Variants in USP36 observed in about 807,000 individuals in gnomAD.
USP36 encodes ubiquitin carboxyl-terminal hydrolase 36.
USP36 carries 59 observed loss-of-function variants against 111.5 expected under a neutral mutation model. The ratio of observed to expected loss-of-function variants is 0.53; its 90% CI spans 0.43 to 0.66. USP36 has a LOEUF of 0.66. Among genes scored for constraint, USP36 ranks in the 30% least tolerant of loss-of-function variants. The probability of loss-of-function intolerance (pLI) is 0.00; values close to 1 mark genes in which losing one functional copy is unlikely to be tolerated. For missense variants in USP36, 1,488 were observed against 1,468.0 expected, an observed-to-expected ratio of 1.01 and a Z score of -0.22; for synonymous variants, 628 against 581.0, an observed-to-expected ratio of 1.08 and a Z score of -1.16.
At chr17:78,790,027 G>A (rs1328651088) in intron 3 of USP36, among the ~76,000 whole-genome samples, 2 of 152,202 alleles carry the variant, frequency 1.3e-5, no homozygotes, top group African/African-American at 4.8e-5. Context: ...CCGGGTGGCT[G>A]GTAAGTGCTA....
At chr17:78,828,225 AT>A (rs1230501750) in intron 5 of USP36, among the ~76,000 whole-genome samples, 1 of 152,220 alleles carries the variant, frequency 6.6e-6, no homozygotes, top group Non-Finnish European at 1.5e-5. Context: ...AACAAAAAGA[AT>A]GTAAAATCCA....
chr17:78,803,654 C>A lies in USP36; in HGVS notation c.2541G>T (p.Lys847Asn), dbSNP rs777219017. ...TAAPHGKRKRKKKKRPEDTAA... is the reference protein window; with the variant it reads ...TAAPHGKRKRNKKKRPEDTAA... ...CTGTGTCCTCCGGGCGCTTCTTCTT[C>A]TTCCTCTTCCTCTTCCCGTGGGGAG... is the stretch of plus-strand genomic sequence containing the variant. Residue 847 changes from lysine (K) to asparagine (N), a missense_variant, in exon 16 of 21, where the codon AAG becomes AAT. Physicochemically the swap from Lys to Asn is moderately conservative, Grantham distance 94. Around this residue, in one of 3 missense-constraint regions of USP36, gnomAD observed 1,073 missense variants for 994.1 expected, o/e 1.08. Coordinates refer to ENST00000449938, the MANE Select transcript of USP36 (RefSeq NM_001385174.1). This position sits in a 1 kb window ranked among gnomAD's most constrained non-coding sequence, Gnocchi z 4.6. The A allele has an allele frequency of 1.2e-6, 2 of 1,608,158 alleles. No individual in the cohort carries two copies. The highest frequency in any genetic ancestry group is 3.4e-5 in the Admixed American group (2 of 59,650).
chr17:78,814,329 G>C, intron 11 of USP36, 83 bp downstream of exon 11: 1 of 1,544,496 alleles, frequency 6.5e-7, no homozygotes, highest in Non-Finnish European at 8.7e-7. Flanking sequence ...CACAAAGTAA[G>C]TGCTCTACAG....
intron 5 of USP36, 116 bp downstream of exon 5, chr17:78,828,781 G>A: frequency 4.0e-6 from 4 of 1,003,336 alleles, no homozygotes; most frequent in Non-Finnish European, 5.8e-6. Context: ...AAAACGGAAG[G>A]ACTGCTTAAG....
chr17:78,799,877 C>CTT (rs549964435), intron 17 of USP36, 109 bp from the exon 18 acceptor site: 18,289 of 154,184 alleles, frequency 0.12, 3,428 homozygotes, highest in East Asian at 0.16. Flanking sequence ...GGATGCTTGC[C>CTT]TTTTTTTTTT....
chr17:78,806,750 A>G (rs2093912776), intron 14 of USP36, among the ~76,000 whole-genome samples: 1 of 152,260 alleles, frequency 6.6e-6, no homozygotes, highest in Non-Finnish European at 1.5e-5. Flanking sequence ...TCACCAGATC[A>G]GGGCTCTCTC....
At chr17:78,788,257 C>T (rs1244424285) in intron 3 of USP36, among the ~76,000 whole-genome samples, 2 of 152,120 alleles carry the variant, frequency 1.3e-5, no homozygotes, top group African/African-American at 4.8e-5. Flanking sequence ...CTCCGCCTCC[C>T]AGGTTCAAGC....
intron 5 of USP36, among the ~76,000 whole-genome samples, chr17:78,828,443 C>T (rs2067777330): frequency 6.6e-6 from 1 of 152,136 alleles, no homozygotes; most frequent in African/African-American, 2.4e-5. Context: ...TCCCAGCTCT[C>T]CCTCAGGCCC....
chr17:78,830,833 T>C (rs554369540), intron 4 of USP36, among the ~76,000 whole-genome samples: 1 of 151,988 alleles, frequency 6.6e-6, no homozygotes, highest in African/African-American at 2.4e-5. Flanking sequence ...ATTTTAGACT[T>C]CTGCTTGCCT....
In USP36 at chr17:78,798,618, G is replaced by A. The variant is rs937293487; in HGVS notation, c.3241-67C>T. 7.5e-6 allele frequency: 12 copies of A among 1,598,378 alleles called. No individual in the cohort carries two copies. The highest frequency in any genetic ancestry group is 2.7e-5 in the African/African-American group (2 of 74,552). ...TCTTTCCTGGCCCACGGGGCTCCAT[G>A]CTGCATGCAGGTCCTGCACACAGGC... On this transcript the variant is annotated intron_variant, in intron 19 of 20. Transcript: ENST00000449938. This position sits in a 1 kb window ranked among gnomAD's most constrained non-coding sequence, Gnocchi z 5.1.
chr17:78,821,268 A>T, intron 7 of USP36: 1 of 516,460 alleles, frequency 1.9e-6, no homozygotes, highest in Non-Finnish European at 3.5e-6. Flanking sequence ...ATATCTTTGC[A>T]CTCACAGGGC....
intron 4 of USP36, among the ~76,000 whole-genome samples, chr17:78,830,729 A>G (rs1463669095): frequency 6.6e-6 from 1 of 152,202 alleles, no homozygotes; most frequent in African/African-American, 2.4e-5. Flanking sequence ...TAGCAAATAG[A>G]CATTAAAATG....
Position 78,803,825 on chromosome 17 carries a change from G to A in USP36, c.2370C>T (p.Asp790=), listed in dbSNP as rs1267110038. The change falls in exon 16 of 21, where the codon GAC becomes GAT. Residue 790 remains aspartate (D), a synonymous_variant. Transcript: ENST00000449938. This position sits in a 1 kb window ranked among gnomAD's most constrained non-coding sequence, Gnocchi z 4.6. The part of the protein sequence containing the change: ...ISTALPQVNE[D]LVSLPHQLPE... ...GCAACTGGTGTGGAAGAGACACAAG[G>A]TCCTCGTTGACCTGAGGCAGCGCCG... 1 of 1,612,708 alleles carries A rather than the reference G, an allele frequency of 6.2e-7. No individual in the cohort carries two copies. Among genetic ancestry groups the A allele is most frequent in the Non-Finnish European group, 8.5e-7 (1 of 1,180,006 alleles).
At position 78,798,329 on chromosome 17, in the gene USP36, C is replaced by T; in HGVS notation, c.*20+71G>A. ...CATCATACACACACGCCACACCCCA[C>T]CACACCCCTACACACATACACGGCA... On this transcript the variant is annotated intron_variant, in intron 20 of 20. Transcript: ENST00000449938. The surrounding 1 kb of genome is among the most constrained non-coding windows in gnomAD (Gnocchi z 5.1). 6.4e-7 allele frequency: 1 copy of T among 1,571,734 alleles called. No homozygotes were observed.
intron 14 of USP36, 33 bp from the exon 15 acceptor site, chr17:78,806,319 G>T (rs768845003): frequency 6.2e-7 from 1 of 1,611,646 alleles, no homozygotes; most frequent in Non-Finnish European, 8.5e-7. Flanking sequence ...AAACTTGGTG[G>T]TCTAAAAAAG....
Position 78,836,286 on chromosome 17 carries a change from C to A in USP36, c.78G>T (p.Lys26Asn). The A allele has an allele frequency of 1.2e-6, 2 of 1,614,190 alleles. No individual in the cohort carries two copies. Among genetic ancestry groups the A allele is most frequent in the Non-Finnish European group, 1.7e-6 (2 of 1,180,028 alleles). The change falls in exon 3 of 21, where the codon AAG (lysine) becomes AAT (asparagine). Residue 26 changes from lysine (K) to asparagine (N), a missense_variant. Transcript: ENST00000449938. The stretch of plus-strand genomic sequence containing the variant: ...CCTTCTTGGCAGAGGAGGCAAGAAG[C>A]TTCCCCAGTTCTCCATCATCAGCCG... ...KDSADDGELGKLLASSAKKVL... is the reference protein window; with the variant it reads ...KDSADDGELGNLLASSAKKVL...
In USP36 at chr17:78,826,948, A is replaced by G. The variant is rs1428070110; in HGVS notation, c.689+297T>C. ...AATGCCCCTAAGAAGGTCTGCTAAC[A>G]TATTTCCCCCTGACTGAGCTGCTCA... On this transcript the variant is annotated intron_variant, in intron 6 of 20. Coordinates refer to ENST00000449938, the MANE Select transcript of USP36 (RefSeq NM_001385174.1). 4 of 606,116 alleles carry G rather than the reference A, an allele frequency of 6.6e-6. No homozygotes were observed. In the East Asian group the frequency reaches 8.2e-5, roughly 12 times the overall value. 37.5% of individuals were successfully genotyped at this position (606,116 alleles called of 1,614,324 possible).
intron 9 of USP36, chr17:78,819,081 G>C (rs1381010715): frequency 3.0e-5 from 7 of 232,844 alleles, no homozygotes; most frequent in South Asian, 2.8e-4. Flanking sequence ...ACACAGGAAA[G>C]AGCAAATTAA....
At chr17:78,815,894 A>G (rs952212773) in intron 10 of USP36, among the ~76,000 whole-genome samples, 5 of 152,144 alleles carry the variant, frequency 3.3e-5, no homozygotes, top group African/African-American at 1.2e-4. Context: ...TGCACAACAC[A>G]TACATGCACG....
Sources: gnomAD v4.1 joint callset for allele counts (sites outside exome capture counted in the v4.1 genomes callset) on GRCh38, gnomAD v4.1.1 for gene constraint, gnomAD v4.1.1 regional missense constraint, Gnocchi (gnomAD v3.1) non-coding constraint, MANE v1.5 for transcripts, NCBI Gene and HGNC (gene_info 2026-07-23, HGNC 2026-07-21) for gene names.